The following PCDH11Y variants were observed in gnomAD, a reference collection of about 807,000 sequenced individuals.
PCDH11Y encodes the protein protocadherin-11 Y-linked.
For synonymous variants in PCDH11Y, 9 were observed against 83.6 expected (o/e 0.11, Z 4.87); for missense variants, 12 against 224.8 (o/e 0.05, Z 6.05).
At chrY:5,080,855 C>T (rs2052718092) in intron 1 of PCDH11Y, among the ~76,000 whole-genome samples, 1 of 31,045 alleles carries the variant, frequency 3.2e-5, no homozygotes. Context: ...TTTTGTTGTG[C>T]AGAAGCTCTT....
intron 2 of PCDH11Y, among the ~76,000 whole-genome samples, chrY:5,185,641 C>T: frequency 4.8e-5 from 1 of 20,742 alleles, no homozygotes; most frequent in East Asian, 1.3e-3. Context: ...GTTTTGTTTA[C>T]TATAGTTTTG....
intron 2 of PCDH11Y, among the ~76,000 whole-genome samples, chrY:5,242,693 G>A: frequency 3.3e-5 from 1 of 30,066 alleles, no homozygotes; most frequent in South Asian, 7.9e-4. Context: ...GCTGATGAGA[G>A]GTTCCTCATA....
chrY:5,139,887 A>G, intron 2 of PCDH11Y, among the ~76,000 whole-genome samples: 1 of 14,454 alleles, frequency 6.9e-5, no homozygotes, highest in Non-Finnish European at 1.3e-4. Flanking sequence ...ACAGAACCAG[A>G]AAAAAAATAT....
chrY:5,603,924 A>AAAAG (rs2053476437), intron 4 of PCDH11Y, among the ~76,000 whole-genome samples: 9 of 25,890 alleles, frequency 3.5e-4, no homozygotes, highest in African/African-American at 7.5e-4. Context: ...AGAAAGAAAG[A>AAAAG]AAAGAAAGAA....
intron 4 of PCDH11Y, among the ~76,000 whole-genome samples, chrY:5,735,857 A>G (rs2556879): frequency 3.0e-5 from 1 of 32,856 alleles, no homozygotes. Flanking sequence ...ACAATATTGA[A>G]TATTCCAAGC....
intron 2 of PCDH11Y, among the ~76,000 whole-genome samples, chrY:5,149,782 G>A: frequency 3.2e-5 from 1 of 31,497 alleles, no homozygotes; most frequent in Non-Finnish European, 7.7e-5. Context: ...CAAGAAGGCC[G>A]GTATGTTGGT....
intron 1 of PCDH11Y, among the ~76,000 whole-genome samples, chrY:5,017,386 A>G: frequency 6.1e-5 from 2 of 32,846 alleles, no homozygotes; most frequent in Non-Finnish European, 1.5e-4. Flanking sequence ...TTTTAATTGC[A>G]TAACTATTTG....
Position 5,236,138 on chromosome Y carries a change from G to A in PCDH11Y, c.3129+135431G>A, listed in dbSNP as rs1602890601. 5.1e-4 allele frequency among the ~76,000 whole-genome samples: 17 copies of A among 33,165 alleles called. No individual in the cohort carries two copies. In the South Asian group the frequency reaches 0.011, roughly 21 times the overall value. The allele number at this position is 33,165 out of a possible 37,273, so 89.0% of individuals were successfully genotyped here. On this transcript the variant is annotated intron_variant, in intron 2 of 4. Transcript: ENST00000400457. Reference sequence around the variant, plus strand: ...TAATACAAGAAGTATAGAAAAGAATGTTTATGGCCTTGAACGATTTTACAA... The same window carrying A: ...TAATACAAGAAGTATAGAAAAGAATATTTATGGCCTTGAACGATTTTACAA...
intron 2 of PCDH11Y, among the ~76,000 whole-genome samples, chrY:5,414,676 C>G: frequency 3.0e-5 from 1 of 33,100 alleles, no homozygotes; most frequent in Non-Finnish European, 7.4e-5. Flanking sequence ...TGTGCTGTTT[C>G]TTTCTCATAT....
intron 2 of PCDH11Y, among the ~76,000 whole-genome samples, chrY:5,340,196 A>G (rs2053143658): frequency 9.1e-5 from 3 of 32,975 alleles, no homozygotes; most frequent in Non-Finnish European, 2.2e-4. Context: ...CCACTGGTGT[A>G]AATCCAAGAG....
At chrY:5,477,765 T>G in intron 2 of PCDH11Y, among the ~76,000 whole-genome samples, 1 of 33,275 alleles carries the variant, frequency 3.0e-5, no homozygotes, top group African/African-American at 1.2e-4. Flanking sequence ...GTCCAGTAAT[T>G]TATCCATTTC....
At chrY:5,245,431 C>T in intron 2 of PCDH11Y, among the ~76,000 whole-genome samples, 1 of 32,399 alleles carries the variant, frequency 3.1e-5, no homozygotes, top group Non-Finnish European at 7.5e-5. Flanking sequence ...TCTCCAGCCT[C>T]CTCGAGTGAC....
chrY:5,407,695 T>A, intron 2 of PCDH11Y, among the ~76,000 whole-genome samples: 1 of 31,601 alleles, frequency 3.2e-5, no homozygotes, highest in Non-Finnish European at 7.7e-5. Flanking sequence ...GGGCAGATCA[T>A]GAGGTCAGGA....
At chrY:5,386,326 T>A (rs2053215583) in intron 2 of PCDH11Y, among the ~76,000 whole-genome samples, 1 of 32,856 alleles carries the variant, frequency 3.0e-5, no homozygotes, top group Non-Finnish European at 7.4e-5. Flanking sequence ...ATGATGACAA[T>A]GTGCCTAGAC....
At chrY:5,593,490 A>G in intron 4 of PCDH11Y, among the ~76,000 whole-genome samples, 2 of 32,737 alleles carry the variant, frequency 6.1e-5, no homozygotes, top group Non-Finnish European at 1.5e-4. Flanking sequence ...TTCTATTCAT[A>G]TTCTGAATTC....
chrY:5,357,118 G>A (rs2053167940), intron 2 of PCDH11Y, among the ~76,000 whole-genome samples: 1 of 27,564 alleles, frequency 3.6e-5, no homozygotes, highest in Non-Finnish European at 8.4e-5. Context: ...GAACCCGGGA[G>A]GCAGAGGTTG....
At chrY:5,606,136 C>T in intron 4 of PCDH11Y, among the ~76,000 whole-genome samples, 1 of 32,078 alleles carries the variant, frequency 3.1e-5, no homozygotes, top group East Asian at 8.2e-4. Flanking sequence ...CTTGAGAGCC[C>T]GTTATTATTT....
At chrY:5,464,692 A>G (rs2053306807) in intron 2 of PCDH11Y, among the ~76,000 whole-genome samples, 1 of 32,184 alleles carries the variant, frequency 3.1e-5, no homozygotes, top group Non-Finnish European at 7.6e-5. Context: ...GAATACCAGC[A>G]CAGTGTTTTG....
chrY:5,103,064 A>AT (rs2052782198), downstream of PCDH11Y, among the ~76,000 whole-genome samples: 1 of 33,155 alleles, frequency 3.0e-5, no homozygotes. Context: ...ATGCTCTTCA[A>AT]TTTGTGTTTA....
Sources: gnomAD v4.1 joint callset for allele counts (sites outside exome capture counted in the v4.1 genomes callset) on GRCh38, gnomAD v4.1.1 for gene constraint, MANE v1.5 for transcripts, NCBI Gene and HGNC (gene_info 2026-07-23, HGNC 2026-07-21) for gene names.